RP9: variants seen among roughly 807,000 people sequenced by gnomAD.
RP9 encodes the protein RP9 pre-mRNA splicing factor.
A neutral mutation model predicts 32.6 loss-of-function variants in RP9; 23 were observed. That is an observed-to-expected ratio of 0.71 (90% CI 0.51 to 1.00). The LOEUF is 1.00. RP9 is among the 50% of genes least tolerant of loss of function. The pLI, the probability that RP9 is intolerant of heterozygous loss-of-function variation, is 0.00. For synonymous variants in RP9, 94 were observed against 103.6 expected (o/e 0.91, Z 0.56); for missense variants, 245 against 285.3 (o/e 0.86, Z 1.02).
rs896590165 is a variant in RP9, at chr7:33,109,102, C to G, written c.152+119G>C. The G allele has an allele frequency of 5.2e-6, 7 of 1,341,856 alleles. No homozygotes were observed. Among genetic ancestry groups the G allele is most frequent in the South Asian group, 3.3e-5 (2 of 60,222 alleles). 83.1% of individuals were successfully genotyped at this position (1,341,856 alleles called of 1,614,324 possible). On this transcript the variant is annotated intron_variant, in intron 1 of 5. Transcript: ENST00000297157. The surrounding 1 kb of genome is among the most constrained non-coding windows in gnomAD (Gnocchi z 4.9). ...CGCACCAGGCTCCTGCCGGGCCCAG[C>G]CCCCCTGCCTGCTCGCGGGGGCTCG... is the stretch of plus-strand genomic sequence containing the variant.
chr7:33,096,497 C>A lies in RP9; in HGVS notation c.463G>T (p.Val155Leu), dbSNP rs58377403. The change falls in exon 5 of 6, where the codon GTA (valine) becomes TTA (leucine). Residue 155 changes from valine (V) to leucine (L), a missense_variant. This residue lies in a region of RP9 where 63 missense variants were observed against 109.8 expected (regional missense o/e 0.57). Coordinates refer to ENST00000297157, the MANE Select transcript of RP9 (RefSeq NM_203288.2). ...IRDNKRHEKD[V>L]RIQQLKQLLE... The stretch of plus-strand genomic sequence containing the variant: ...TTATCATCAGGACGACCTCACCTTA[C>A]GTCCTTTTCATGTCGTTTATTGTCT... The A allele has an allele frequency of 6.2e-7, 1 of 1,609,720 alleles. No homozygotes were observed. The highest frequency in any genetic ancestry group is 2.2e-5 in the East Asian group (1 of 44,874).
intron 4 of RP9, 59 bp downstream of exon 4, chr7:33,097,212 C>G: frequency 2.3e-6 from 3 of 1,316,500 alleles, no homozygotes; most frequent in Non-Finnish European, 3.3e-6. Flanking sequence ...TGACTTTCTG[C>G]TTCACTGATT....
At chr7:33,106,518 T>C (rs1197126429) in intron 1 of RP9, among the ~76,000 whole-genome samples, 1 of 152,044 alleles carries the variant, frequency 6.6e-6, no homozygotes, top group Admixed American at 6.6e-5. Flanking sequence ...TTAGCAAAAA[T>C]TGCTATGATG....
At chr7:33,105,242 AG>A (rs1383450272) in intron 1 of RP9, among the ~76,000 whole-genome samples, 2 of 152,200 alleles carry the variant, frequency 1.3e-5, no homozygotes, top group African/African-American at 4.8e-5. Flanking sequence ...ATTGGGGCTC[AG>A]AAAATGATAC....
rs1788310710 is a variant in RP9, at chr7:33,095,171, T to C, written c.*63A>G. 6.3e-7 allele frequency: 1 copy of C among 1,591,582 alleles called. No homozygotes were observed. Among genetic ancestry groups the C allele is most frequent in the Non-Finnish European group, 8.6e-7 (1 of 1,159,870 alleles). On this transcript the variant is annotated 3_prime_UTR_variant, in exon 6 of 6. Transcript: ENST00000297157. ...TCTCTATCCTGCTGCTTTCTCTGAC[T>C]GCATCTTCCTCTGTTCCTTGGTCAG...
chr7:33,102,443 C>A (rs1304912843), intron 1 of RP9, among the ~76,000 whole-genome samples: 2 of 152,104 alleles, frequency 1.3e-5, no homozygotes, highest in Non-Finnish European at 2.9e-5. Flanking sequence ...TCCCAAAGTA[C>A]TGGGATTGTA....
At chr7:33,100,292 A>G in intron 2 of RP9, 1 of 581,654 alleles carries the variant, frequency 1.7e-6, no homozygotes, top group Non-Finnish European at 3.1e-6. Flanking sequence ...GGGCATGGCC[A>G]AGGAATCCAC....
At chr7:33,097,533 C>T (rs533613991) in intron 3 of RP9, among the ~76,000 whole-genome samples, 171 bp from the exon 4 acceptor site, 1 of 152,230 alleles carries the variant, frequency 6.6e-6, no homozygotes, top group African/African-American at 2.4e-5. Flanking sequence ...TAATTGCTTC[C>T]CCAAGCATCC....
chr7:33,099,174 T>C (rs1004094066), intron 3 of RP9, 133 bp downstream of exon 3: 1 of 1,039,782 alleles, frequency 9.6e-7, no homozygotes, highest in South Asian at 1.3e-5. Flanking sequence ...GATGCTTCCT[T>C]ATCTAGAAGA....
At position 33,100,396 on chromosome 7, in the gene RP9, C is replaced by T. The variant is rs73307552; in HGVS notation, c.183+135G>A. On this transcript the variant is annotated intron_variant, in intron 2 of 5. Transcript: ENST00000297157. ...GTGACAAAACTAAAAATTATGACCC[C>T]TCATTCATCTGCAGGAAAAGAAACA... 6.6e-3 allele frequency: 5,264 copies of T among 795,416 alleles called. 211 individuals are homozygous for T. The African/African-American group carries it at 0.077, about 12-fold the overall frequency. 49.3% of individuals were successfully genotyped at this position (795,416 alleles called of 1,614,324 possible). A position where few individuals can be genotyped will look rare whatever the true frequency, so the allele number is the denominator to read the frequency against.
chr7:33,106,622 T>C (rs1788502148), intron 1 of RP9, among the ~76,000 whole-genome samples: 2 of 152,188 alleles, frequency 1.3e-5, no homozygotes, highest in African/African-American at 4.8e-5. Context: ...AGATGTTGAA[T>C]TGATGTAAAC....
intron 2 of RP9, 96 bp downstream of exon 2, chr7:33,100,435 A>G: frequency 9.3e-7 from 1 of 1,069,804 alleles, no homozygotes; most frequent in African/African-American, 1.6e-5. Context: ...TTTTGGTAAA[A>G]GGAGATTTAA....
chr7:33,095,550 C>T, intron 5 of RP9, 118 bp from the exon 6 acceptor site: 1 of 1,509,634 alleles, frequency 6.6e-7, no homozygotes, highest in Non-Finnish European at 8.9e-7. Flanking sequence ...GTCACAAAGA[C>T]AGTATTTTTA....
intron 3 of RP9, 130 bp from the exon 4 acceptor site, chr7:33,097,492 G>A (rs1788355930): frequency 1.5e-6 from 1 of 685,768 alleles, no homozygotes; most frequent in Non-Finnish European, 2.5e-6. Context: ...TTATGGACAA[G>A]CCATGTAAGA....
At chr7:33,101,497 G>A (rs1788424088) in intron 1 of RP9, among the ~76,000 whole-genome samples, 1 of 152,056 alleles carries the variant, frequency 6.6e-6, no homozygotes, top group African/African-American at 2.4e-5. Context: ...AGCTACTCAG[G>A]AGGCTGAGGC....
intron 1 of RP9, among the ~76,000 whole-genome samples, chr7:33,107,585 G>T (rs1788516620): frequency 1.3e-5 from 2 of 152,086 alleles, no homozygotes. Flanking sequence ...CACAATGCAG[G>T]GTCTCTATCC....
intron 5 of RP9, among the ~76,000 whole-genome samples, chr7:33,096,005 A>G (rs1166142180): frequency 2.6e-5 from 4 of 151,764 alleles, no homozygotes; most frequent in African/African-American, 7.3e-5. Flanking sequence ...GCTACTTTTT[A>G]TATTTTTTTG....
At chr7:33,100,156 CAG>C (rs1788404340) in intron 2 of RP9, 3 of 335,844 alleles carry the variant, frequency 8.9e-6, no homozygotes, top group South Asian at 8.1e-5. Context: ...CAGATCTCCT[CAG>C]AGTTTACTGC....
intron 1 of RP9, among the ~76,000 whole-genome samples, chr7:33,101,851 GCA>G (rs1788430477): frequency 6.6e-6 from 1 of 152,164 alleles, no homozygotes; most frequent in Non-Finnish European, 1.5e-5. Flanking sequence ...ATGGAAATCT[GCA>G]CAACTTGTGA....
Sources: allele counts gnomAD v4.1 joint callset (sites outside exome capture counted in the v4.1 genomes callset), GRCh38; gene constraint gnomAD v4.1.1; regional missense constraint gnomAD v4.1.1; non-coding constraint Gnocchi (gnomAD v3.1); transcripts MANE v1.5; gene names NCBI Gene and HGNC (gene_info 2026-07-23, HGNC 2026-07-21).